The following SHROOM3 variants were observed in gnomAD, a reference collection of about 807,000 sequenced individuals.
SHROOM3 encodes protein Shroom3.
In SHROOM3, 47 loss-of-function variants were observed where a neutral mutation model predicts 138.6. That is an observed-to-expected ratio of 0.34 (90% CI 0.27 to 0.43). SHROOM3 has a LOEUF of 0.43. Among genes scored for constraint, SHROOM3 ranks in the 20% least tolerant of loss-of-function variants. SHROOM3 has a pLI of 1.00. For missense variants in SHROOM3, 2,491 were observed against 2,596.5 expected, an observed-to-expected ratio of 0.96 and a Z score of 0.88; for synonymous variants, 1,062 against 1,063.3, an observed-to-expected ratio of 1.00 and a Z score of 0.02.
At chr4:76,696,685 G>A (rs1719745182) in intron 2 of SHROOM3, among the ~76,000 whole-genome samples, 2 of 152,102 alleles carry the variant, frequency 1.3e-5, no homozygotes, top group Non-Finnish European at 2.9e-5. Flanking sequence ...GCTCTGCTTG[G>A]TCAAATAAAA....
In SHROOM3 at chr4:76,740,587, T is replaced by C; in HGVS notation, c.2414T>C (p.Phe805Ser). The C allele has an allele frequency of 2.5e-6, 4 of 1,614,144 alleles. No individual in the cohort carries two copies. Among genetic ancestry groups the C allele is most frequent in the Non-Finnish European group, 3.4e-6 (4 of 1,180,014 alleles). The change falls in exon 5 of 11, where the codon TTT becomes TCT. Residue 805 changes from phenylalanine (F) to serine (S), a missense_variant. Phe to Ser is a radical substitution (Grantham distance 155). Coordinates refer to ENST00000296043, the MANE Select transcript of SHROOM3 (RefSeq NM_020859.4). The surrounding 1 kb of genome is among the most constrained non-coding windows in gnomAD (Gnocchi z 4.0). ...AGACCGAGTGTGGGCGGCTCTGGTT[T>C]TGGCCATAACTATAGGCCCCACAGG... ...SQRPSVGGSG[F>S]GHNYRPHRTV... is the part of the protein sequence containing the mutation.
rs1721218165 is a variant in SHROOM3 at position 76,740,627 on chromosome 4, C to T, written c.2454C>T (p.Ser818=). ...GGCCCCACAGGACCGTCTCAACTTC[C>T]AGTACTTCTGGGAATGACTTCGAGG... ...NYRPHRTVST[S]STSGNDFEET... is the part of the protein sequence containing the mutation. Residue 818 remains serine (S), a synonymous_variant, in exon 5 of 11, where the codon TCC becomes TCT. Coordinates refer to ENST00000296043, the MANE Select transcript of SHROOM3 (RefSeq NM_020859.4). This position sits in a 1 kb window ranked among gnomAD's most constrained non-coding sequence, Gnocchi z 4.0. 2.5e-6 allele frequency: 4 copies of T among 1,614,202 alleles called. No individual in the cohort carries two copies. The highest frequency in any genetic ancestry group is 2.2e-5 in the East Asian group (1 of 44,872).
chr4:76,443,796 C>T (rs542349283), intron 1 of SHROOM3, among the ~76,000 whole-genome samples: 45 of 152,248 alleles, frequency 3.0e-4, no homozygotes, highest in African/African-American at 1.1e-3. Context: ...TTTGGCAGAC[C>T]GATGTACAGA....
chr4:76,758,537 C>G (rs1320640922), intron 8 of SHROOM3: 1 of 151,534 alleles, frequency 6.6e-6, no homozygotes, highest in Admixed American at 6.6e-5. Flanking sequence ...GGCCAGTAGC[C>G]ATTGTGAGGG....
At chr4:76,725,102 G>A (rs1036810199) in intron 3 of SHROOM3, among the ~76,000 whole-genome samples, 7 of 150,998 alleles carry the variant, frequency 4.6e-5, no homozygotes, top group Non-Finnish European at 3.0e-5. Context: ...TTTTTTCCTC[G>A]TGTTTTTGTT....
intron 2 of SHROOM3, among the ~76,000 whole-genome samples, chr4:76,675,032 G>A (rs1020549954): frequency 3.9e-5 from 6 of 152,290 alleles, no homozygotes; most frequent in Non-Finnish European, 5.9e-5. Context: ...ATAAGAAAAC[G>A]AGGGATATAA....
chr4:76,621,313 A>G (rs1735002776), intron 2 of SHROOM3, among the ~76,000 whole-genome samples: 1 of 152,208 alleles, frequency 6.6e-6, no homozygotes. Context: ...GTCACCTGGT[A>G]CATTAGCCCA....
chr4:76,735,866 AAAATAT>A (rs1721047008), intron 4 of SHROOM3, among the ~76,000 whole-genome samples: 1 of 13,116 alleles, frequency 7.6e-5, no homozygotes, highest in Non-Finnish European at 1.7e-4. Flanking sequence ...AAAAAAAAAA[AAAATAT>A]ATATATATAT....
intron 1 of SHROOM3, among the ~76,000 whole-genome samples, chr4:76,458,886 G>C (rs1731085755): frequency 6.6e-6 from 1 of 152,190 alleles, no homozygotes; most frequent in Admixed American, 6.5e-5. Context: ...CCTGCATCCT[G>C]TATTTGGACA....
At chr4:76,541,685 A>G (rs567641191) in intron 1 of SHROOM3, among the ~76,000 whole-genome samples, 1 of 152,012 alleles carries the variant, frequency 6.6e-6, no homozygotes, top group Non-Finnish European at 1.5e-5. Context: ...GTCACAGAAT[A>G]GGCATTCTTA....
At chr4:76,624,436 T>TG (rs1228351335) in intron 2 of SHROOM3, among the ~76,000 whole-genome samples, 1 of 152,156 alleles carries the variant, frequency 6.6e-6, no homozygotes, top group Non-Finnish European at 1.5e-5. Context: ...ACTTCATTCT[T>TG]GGGAAGTTTT....
intron 1 of SHROOM3, among the ~76,000 whole-genome samples, chr4:76,493,510 T>C (rs577819632): frequency 2.6e-5 from 4 of 152,160 alleles, no homozygotes; most frequent in Admixed American, 2.6e-4. Context: ...TCTTGATAGA[T>C]ATGGTGTCCT....
intron 2 of SHROOM3, among the ~76,000 whole-genome samples, chr4:76,596,659 C>A (rs1734396073): frequency 6.6e-6 from 1 of 150,952 alleles, no homozygotes; most frequent in Non-Finnish European, 1.5e-5. Flanking sequence ...CAAGGAAGAA[C>A]CTGACAATAA....
chr4:76,705,574 AG>A (rs1720026889), intron 2 of SHROOM3, among the ~76,000 whole-genome samples: 1 of 152,234 alleles, frequency 6.6e-6, no homozygotes, highest in East Asian at 1.9e-4. Flanking sequence ...GGTGGCAGGC[AG>A]AGCAAATATG....
chr4:76,763,991 G>A (rs1053475817), intron 9 of SHROOM3, among the ~76,000 whole-genome samples: 12 of 152,248 alleles, frequency 7.9e-5, no homozygotes, highest in Middle Eastern at 3.4e-3. Context: ...TGTAGCCTTT[G>A]ACCAACTTTT....
chr4:76,775,321 G>GGGGTGTGTGTGTGT (rs112978260), intron 10 of SHROOM3, among the ~76,000 whole-genome samples: 2 of 149,110 alleles, frequency 1.3e-5, no homozygotes, highest in African/African-American at 4.9e-5. Flanking sequence ...TAGTCCATGG[G>GGGGTGTGTGTGTGT]GTGTGTGTGT....
At chr4:76,526,062 C>T (rs778034936) in intron 1 of SHROOM3, among the ~76,000 whole-genome samples, 52 of 152,132 alleles carry the variant, frequency 3.4e-4, no homozygotes, top group Non-Finnish European at 1.2e-4. Context: ...GATCCACATG[C>T]CCTGTGATAT....
intron 2 of SHROOM3, among the ~76,000 whole-genome samples, chr4:76,608,528 G>GGCATGGCATAGCATAGCATA (rs1734670251): frequency 8.8e-6 from 1 of 113,546 alleles, no homozygotes; most frequent in Admixed American, 9.1e-5. Flanking sequence ...GGACAGAGAT[G>GGCATGGCATAGCATAGCATA]GCATAGCATA....
chr4:76,520,630 G>A (rs1732544250), intron 1 of SHROOM3, among the ~76,000 whole-genome samples: 1 of 152,108 alleles, frequency 6.6e-6, no homozygotes, highest in Non-Finnish European at 1.5e-5. Flanking sequence ...GCCTTCCTTT[G>A]CTAGGTGACA....
Sources: gnomAD v4.1 joint callset for allele counts (sites outside exome capture counted in the v4.1 genomes callset) on GRCh38, gnomAD v4.1.1 for gene constraint, Gnocchi (gnomAD v3.1) non-coding constraint, MANE v1.5 for transcripts, NCBI Gene and HGNC (gene_info 2026-07-23, HGNC 2026-07-21) for gene names.